The following TBC1D19 variants were observed in gnomAD, a reference collection of about 807,000 sequenced individuals.
TBC1D19 encodes TBC1 domain family member 19.
TBC1D19 carries 60 observed loss-of-function variants against 89.0 expected under a neutral mutation model. That is an observed-to-expected ratio of 0.67 (90% CI 0.55 to 0.84). TBC1D19 has a LOEUF of 0.84. Among genes scored for constraint, TBC1D19 ranks in the 40% least tolerant of loss-of-function variants. TBC1D19 has a pLI of 0.00. For synonymous variants in TBC1D19, 189 were observed against 199.7 expected (o/e 0.95, Z 0.45); for missense variants, 500 against 610.8 (o/e 0.82, Z 1.91).
chr4:26,577,282 C>CGTGT (rs140352482), intron 1 of TBC1D19, among the ~76,000 whole-genome samples: 47 of 149,534 alleles, frequency 3.1e-4, no homozygotes, highest in Non-Finnish European at 4.5e-4. Context: ...TCTTCTCTCT[C>CGTGT]GTGTGTGTGT....
intron 4 of TBC1D19, among the ~76,000 whole-genome samples, chr4:26,628,532 T>C (rs1742583048): frequency 6.6e-6 from 1 of 152,020 alleles, no homozygotes; most frequent in African/African-American, 2.4e-5. Context: ...GAGAAGGAAA[T>C]AAAGGGTATT....
rs373807642 is a variant in TBC1D19 at position 26,673,446 on chromosome 4, T to TATATATACACACACACACACAC, written c.704-329_704-328insTATATACACACACACACACACA. ...TTTCATATATATATATATATATATATACACACACACACACACACACACACA... is the reference window on the plus strand; with the variant it reads ...TTTCATATATATATATATATATATATATATATACACACACACACACACACACACACACACACACACACACACA... On this transcript the variant is annotated intron_variant, in intron 10 of 20. Transcript: ENST00000264866. 2.0e-4 allele frequency among the ~76,000 whole-genome samples: 18 copies of TATATATACACACACACACACAC among 90,866 alleles called. 1 individual carries two copies. Among genetic ancestry groups the TATATATACACACACACACACAC allele is most frequent in the African/African-American group, 5.5e-4 (13 of 23,510 alleles). The allele number at this position is 90,866 out of a possible 152,430, so 59.6% of individuals were successfully genotyped here.
At chr4:26,712,536 C>T (rs1716268033) in intron 13 of TBC1D19, among the ~76,000 whole-genome samples, 1 of 152,056 alleles carries the variant, frequency 6.6e-6, no homozygotes, top group Non-Finnish European at 1.5e-5. Flanking sequence ...AATAATCTCC[C>T]CATTTAAAAA....
the TBC1D19 span, among the ~76,000 whole-genome samples, chr4:26,826,917 C>T: frequency 6.6e-6 from 1 of 152,212 alleles, no homozygotes; most frequent in African/African-American, 2.4e-5. Context: ...ACCTCCCAGC[C>T]GTGCAGTTCA....
intron 12 of TBC1D19, among the ~76,000 whole-genome samples, chr4:26,687,203 T>C (rs1252422091): frequency 2.0e-5 from 3 of 152,290 alleles, no homozygotes; most frequent in Middle Eastern, 3.4e-3. Flanking sequence ...AACACTATTA[T>C]AAGTAAAAGG....
the TBC1D19 span, among the ~76,000 whole-genome samples, chr4:26,781,232 T>C: frequency 6.6e-6 from 1 of 152,198 alleles, no homozygotes; most frequent in East Asian, 1.9e-4. Context: ...TTGAGGGCCA[T>C]TGCTTTTATC....
At chr4:26,622,442 C>T (rs1478006255) in intron 4 of TBC1D19, among the ~76,000 whole-genome samples, 3 of 151,434 alleles carry the variant, frequency 2.0e-5, no homozygotes, top group East Asian at 1.9e-4. Context: ...AATAATAAGT[C>T]GACTCTTAGA....
intron 11 of TBC1D19, among the ~76,000 whole-genome samples, chr4:26,682,559 CAGG>C (rs946316825): frequency 4.6e-5 from 7 of 152,276 alleles, no homozygotes; most frequent in Admixed American, 2.0e-4. Flanking sequence ...TCTGTGAGGT[CAGG>C]AGGAGTCATA....
intron 9 of TBC1D19, 71 bp from the exon 10 acceptor site, chr4:26,672,078 T>C (rs1264340237): frequency 5.6e-6 from 4 of 715,884 alleles, no homozygotes; most frequent in African/African-American, 1.9e-5. Flanking sequence ...CAGAAAAATG[T>C]ATCTAATGTT....
At chr4:26,801,427 G>T in the TBC1D19 span, among the ~76,000 whole-genome samples, 11 of 152,172 alleles carry the variant, frequency 7.2e-5, no homozygotes, top group African/African-American at 2.7e-4. Context: ...AGTATAGTTT[G>T]AAGTCAGGTA....
At chr4:26,597,553 C>T (rs1469275634) in intron 1 of TBC1D19, among the ~76,000 whole-genome samples, 3 of 128,348 alleles carry the variant, frequency 2.3e-5, no homozygotes, top group East Asian at 2.4e-4. Context: ...TAAGTAGAGA[C>T]GGGGTTTCAC....
intron 13 of TBC1D19, among the ~76,000 whole-genome samples, chr4:26,697,902 A>G (rs1403374709): frequency 1.3e-5 from 2 of 152,200 alleles, no homozygotes; most frequent in Non-Finnish European, 2.9e-5. Context: ...CACAGCCAAT[A>G]TCATATTGAA....
Position 26,659,789 on chromosome 4 carries a change from A to C in TBC1D19, c.591+82A>C. ...TTTTAATACAGCATGTATGTAAAGC[A>C]ATAGGGTAATCTACTCATTAAACAA... is the stretch of plus-strand genomic sequence containing the variant. On this transcript the variant is annotated intron_variant, in intron 8 of 20. Transcript: ENST00000264866. The C allele has an allele frequency of 5.1e-6, 4 of 778,254 alleles. No homozygotes were observed. The South Asian group carries it at 9.7e-5, about 19-fold the overall frequency. The allele number at this position is 778,254 out of a possible 1,614,324, so 48.2% of individuals were successfully genotyped here. A position where few individuals can be genotyped will look rare whatever the true frequency, so the allele number is the denominator to read the frequency against.
chr4:26,713,047 A>T (rs1243137452), intron 13 of TBC1D19, among the ~76,000 whole-genome samples: 1 of 152,098 alleles, frequency 6.6e-6, no homozygotes. Flanking sequence ...AAAGTTTGGC[A>T]GGAGAAGAGA....
chr4:26,845,257 G>T, the TBC1D19 span, among the ~76,000 whole-genome samples: 2 of 152,078 alleles, frequency 1.3e-5, no homozygotes, highest in Non-Finnish European at 2.9e-5. Flanking sequence ...ATAACTTTCT[G>T]ATAAACATCT....
the TBC1D19 span, among the ~76,000 whole-genome samples, chr4:26,848,981 C>G: frequency 6.6e-6 from 1 of 152,038 alleles, no homozygotes; most frequent in Admixed American, 6.6e-5. Flanking sequence ...TTGCTTGGGT[C>G]CCGGAGTTTG....
the TBC1D19 span, among the ~76,000 whole-genome samples, chr4:26,810,389 C>T: frequency 7.9e-5 from 12 of 152,312 alleles, no homozygotes; most frequent in African/African-American, 2.9e-4. Flanking sequence ...CTGAGTGCCT[C>T]ATCTATCCAG....
chr4:26,623,261 C>T (rs1330017141), intron 4 of TBC1D19, among the ~76,000 whole-genome samples: 2 of 152,176 alleles, frequency 1.3e-5, no homozygotes, highest in East Asian at 3.8e-4. Context: ...TTCTCCCAAA[C>T]TTTTGACTAC....
chr4:26,619,981 A>C (rs983104863), intron 3 of TBC1D19, among the ~76,000 whole-genome samples: 2 of 152,200 alleles, frequency 1.3e-5, no homozygotes, highest in African/African-American at 4.8e-5. Context: ...AAGAGGAGTT[A>C]TATATTGTTG....
Sources: gnomAD v4.1 joint callset for allele counts (sites outside exome capture counted in the v4.1 genomes callset) on GRCh38, gnomAD v4.1.1 for gene constraint, MANE v1.5 for transcripts, NCBI Gene and HGNC (gene_info 2026-07-23, HGNC 2026-07-21) for gene names.